The following KCNJ6 variants were observed in gnomAD, a reference collection of about 807,000 sequenced individuals.
The protein encoded by KCNJ6 is potassium inwardly rectifying channel subfamily J member 6, also known as G protein-activated inward rectifier potassium channel 2.
A neutral mutation model predicts 34.2 loss-of-function variants in KCNJ6; 9 were observed. The ratio of observed to expected loss-of-function variants is 0.26; its 90% CI spans 0.16 to 0.46. The LOEUF (loss-of-function observed/expected upper bound fraction) is 0.46, where lower values mean the gene tolerates loss of function less well. Ranked by LOEUF, KCNJ6 falls within the 20% of genes least tolerant of loss-of-function variation. The pLI is 1.00. For synonymous variants in KCNJ6, 196 were observed against 207.1 expected (o/e 0.95, Z 0.46); for missense variants, 236 against 531.3 (o/e 0.44, Z 5.46).
intron 2 of KCNJ6, among the ~76,000 whole-genome samples, chr21:37,780,516 A>G (rs2055164190): frequency 1.3e-5 from 2 of 151,666 alleles, no homozygotes; most frequent in South Asian, 4.2e-4. Context: ...TGTTACAATC[A>G]TATCAAATGT....
At position 37,621,415 on chromosome 21, in the gene KCNJ6, G is replaced by T. The variant is rs1002733826; in HGVS notation, c.*3744C>A. On this transcript the variant is annotated 3_prime_UTR_variant, in exon 4 of 4. Transcript: ENST00000609713. ...GTAAGCAGTTTCTAAATATCCCAAA[G>T]ACACTGGCTTAAATCTAAATAAAAA... The T allele has an allele frequency of 6.6e-6, 1 of 152,050 alleles. No homozygotes were observed. The highest frequency in any genetic ancestry group is 1.5e-5 in the Non-Finnish European group (1 of 68,000). 9.4% of individuals were successfully genotyped at this position (152,050 alleles called of 1,614,324 possible). A position where few individuals can be genotyped will look rare whatever the true frequency, so the allele number is the denominator to read the frequency against.
chr21:37,858,027 A>G (rs1345911819), intron 1 of KCNJ6, among the ~76,000 whole-genome samples: 1 of 152,186 alleles, frequency 6.6e-6, no homozygotes, highest in African/African-American at 2.4e-5. Context: ...AGATGATTCA[A>G]CATATATAGA....
intron 2 of KCNJ6, among the ~76,000 whole-genome samples, chr21:37,774,472 T>C (rs2055132371): frequency 1.3e-5 from 2 of 152,072 alleles, no homozygotes. Flanking sequence ...TAACATTAGG[T>C]ATATCTCCTA....
At chr21:37,660,286 G>T (rs1332609927) in intron 3 of KCNJ6, among the ~76,000 whole-genome samples, 1 of 152,214 alleles carries the variant, frequency 6.6e-6, no homozygotes, top group Non-Finnish European at 1.5e-5. Flanking sequence ...CTGCCACAGG[G>T]TGCAAGGCCC....
At chr21:37,640,893 T>A (rs748886227) in intron 3 of KCNJ6, among the ~76,000 whole-genome samples, 4 of 152,298 alleles carry the variant, frequency 2.6e-5, no homozygotes, top group Non-Finnish European at 5.9e-5. Flanking sequence ...CAGGTGCTCA[T>A]GAACTCACTA....
Position 37,675,680 on chromosome 21 carries a change from G to A in KCNJ6, c.946+38531C>T, listed in dbSNP as rs1464027597. ...TTCGGACTCCGCAGGTAGTCACTAG[G>A]GGCTTTCGCTGCTCCTGGAAGCAAT... On this transcript the variant is annotated intron_variant, in intron 3 of 3. Coordinates refer to ENST00000609713, the MANE Select transcript of KCNJ6 (RefSeq NM_002240.5). This position sits in a 1 kb window ranked among gnomAD's most constrained non-coding sequence, Gnocchi z 4.2. Among the ~76,000 whole-genome samples the A allele has an allele frequency of 6.6e-6, 1 of 152,234 alleles. No individual in the cohort carries two copies. The highest frequency in any genetic ancestry group is 2.4e-5 in the African/African-American group (1 of 41,464).
At chr21:37,885,425 C>T (rs1215199479) in intron 1 of KCNJ6, among the ~76,000 whole-genome samples, 1 of 152,204 alleles carries the variant, frequency 6.6e-6, no homozygotes, top group Non-Finnish European at 1.5e-5. Context: ...AAATGCTAAA[C>T]AGAGACTTCT....
chr21:37,890,099 C>A (rs1443241154), intron 1 of KCNJ6, among the ~76,000 whole-genome samples: 2 of 152,098 alleles, frequency 1.3e-5, no homozygotes, highest in Admixed American at 1.3e-4. Flanking sequence ...ATACCCGAAA[C>A]TGGGTAATTT....
At chr21:37,848,302 A>G (rs2055520251) in intron 1 of KCNJ6, among the ~76,000 whole-genome samples, 1 of 152,238 alleles carries the variant, frequency 6.6e-6, no homozygotes, top group African/African-American at 2.4e-5. Flanking sequence ...AGGATGGGGT[A>G]CCATTTTTTT....
chr21:37,713,731 A>T (rs1036568225), intron 3 of KCNJ6, among the ~76,000 whole-genome samples: 2 of 152,232 alleles, frequency 1.3e-5, no homozygotes, highest in South Asian at 2.1e-4. Flanking sequence ...CTCACTTCAT[A>T]CAAAAGAAAA....
In KCNJ6 at chr21:37,613,009, C is replaced by T. The variant is rs910136742; in HGVS notation, c.*12150G>A. 1.3e-5 allele frequency: 2 copies of T among 152,046 alleles called. No homozygotes were observed. The highest frequency in any genetic ancestry group is 2.1e-4 in the South Asian group (1 of 4,824). The allele number at this position is 152,046 out of a possible 1,614,324, so 9.4% of individuals were successfully genotyped here. On this transcript the variant is annotated 3_prime_UTR_variant, in exon 4 of 4. Coordinates refer to ENST00000609713, the MANE Select transcript of KCNJ6 (RefSeq NM_002240.5). ...GTCAAGATAATGAGAAGACAAGCCACGGACTGGGAGAAAATATTTACAGAA... is the reference window on the plus strand; with the variant it reads ...GTCAAGATAATGAGAAGACAAGCCATGGACTGGGAGAAAATATTTACAGAA...
At chr21:37,887,630 T>C (rs2055742329) in intron 1 of KCNJ6, among the ~76,000 whole-genome samples, 1 of 152,094 alleles carries the variant, frequency 6.6e-6, no homozygotes, top group South Asian at 2.1e-4. Flanking sequence ...TGTGTGGTGG[T>C]GATTTTAGGG....
intron 2 of KCNJ6, among the ~76,000 whole-genome samples, chr21:37,732,918 C>A (rs1468551383): frequency 6.6e-6 from 1 of 152,188 alleles, no homozygotes; most frequent in Non-Finnish European, 1.5e-5. Context: ...TGTTGGGTAG[C>A]TCCACCTGGT....
chr21:37,882,925 C>T (rs2055716912), intron 1 of KCNJ6, among the ~76,000 whole-genome samples: 1 of 152,158 alleles, frequency 6.6e-6, no homozygotes, highest in African/African-American at 2.4e-5. Context: ...AACAAGTGGG[C>T]ATGCACATTT....
chr21:37,700,622 A>G (rs2054685731), intron 3 of KCNJ6, among the ~76,000 whole-genome samples: 1 of 152,212 alleles, frequency 6.6e-6, no homozygotes, highest in Non-Finnish European at 1.5e-5. Flanking sequence ...GTAATGGTCC[A>G]GCAGGAGGGC....
In KCNJ6 at chr21:37,672,550, G is replaced by C. The variant is rs1428617109; in HGVS notation, c.946+41661C>G. On this transcript the variant is annotated intron_variant, in intron 3 of 3. Transcript: ENST00000609713. ...TTTTTTTTTCTTTTTTCATAAGTCA[G>C]TTTGGGTTCTCTGACATCTCTTTTT... Among the ~76,000 whole-genome samples the C allele has an allele frequency of 2.0e-5, 3 of 151,916 alleles. No homozygotes were observed. In the South Asian group the frequency reaches 6.2e-4, roughly 32 times the overall value.
chr21:37,801,120 C>A (rs1026276933), intron 2 of KCNJ6, among the ~76,000 whole-genome samples: 5 of 152,172 alleles, frequency 3.3e-5, no homozygotes, highest in Non-Finnish European at 5.9e-5. Flanking sequence ...GGGTTCTCTG[C>A]ATATCATCTG....
chr21:37,712,817 C>A (rs1229526918), intron 3 of KCNJ6, among the ~76,000 whole-genome samples: 2 of 149,110 alleles, frequency 1.3e-5, no homozygotes, highest in Non-Finnish European at 3.0e-5. Flanking sequence ...CCTCCCCACC[C>A]AACTATTGCC....
chr21:37,903,277 CT>C (rs2055825420), intron 1 of KCNJ6, among the ~76,000 whole-genome samples: 1 of 152,132 alleles, frequency 6.6e-6, no homozygotes, highest in Non-Finnish European at 1.5e-5. Context: ...GTGAATAAGT[CT>C]CATGAGATCT....
Sources: allele counts gnomAD v4.1 joint callset (sites outside exome capture counted in the v4.1 genomes callset), GRCh38; gene constraint gnomAD v4.1.1; non-coding constraint Gnocchi (gnomAD v3.1); transcripts MANE v1.5; gene names NCBI Gene and HGNC (gene_info 2026-07-23, HGNC 2026-07-21).